The following CEP57L1 variants were observed in gnomAD, a reference collection of about 807,000 sequenced individuals.
CEP57L1 encodes the protein centrosomal protein 57 like 1.
In CEP57L1, 37 loss-of-function variants were observed where a neutral mutation model predicts 61.0. That is an observed-to-expected ratio of 0.61 (90% CI 0.47 to 0.80). The LOEUF (loss-of-function observed/expected upper bound fraction) is 0.80, where lower values mean the gene tolerates loss of function less well. CEP57L1 is among the 30% of genes least tolerant of loss of function. CEP57L1 has a pLI of 0.00. For missense variants in CEP57L1, 422 were observed against 524.7 expected, an observed-to-expected ratio of 0.80 and a Z score of 1.91; for synonymous variants, 137 against 162.3, an observed-to-expected ratio of 0.84 and a Z score of 1.19.
rs530346856 is a variant in CEP57L1 at position 109,145,310 on chromosome 6, C to T, written c.89C>T (p.Pro30Leu). Residue 30 changes from proline to leucine, a missense_variant, in exon 2 of 11, where the codon CCA becomes CTA. Physicochemically the swap from Pro to Leu is moderately conservative, Grantham distance 98. Coordinates refer to ENST00000517392, the MANE Select transcript of CEP57L1 (RefSeq NM_001271852.3). ...GTTCCCTCATTCACCCAGAATGAAC[C>T]ATCTCAGAATTGCCATCCTGCAAAC... Reference protein sequence around the residue: ...VFVPSFTQNEPSQNCHPANLE... With the variant: ...VFVPSFTQNELSQNCHPANLE... 2 of 1,609,924 alleles carry T rather than the reference C, an allele frequency of 1.2e-6. No individual in the cohort carries two copies. The highest frequency in any genetic ancestry group is 1.7e-6 in the Non-Finnish European group (2 of 1,176,942).
At chr6:109,106,679 A>G (rs1053357492) in intron 1 of CEP57L1, among the ~76,000 whole-genome samples, 4 of 152,192 alleles carry the variant, frequency 2.6e-5, no homozygotes, top group Admixed American at 1.3e-4. Context: ...CTGTAATCCC[A>G]GCACTTTGGG....
rs796180464 is a variant in CEP57L1, at chr6:109,110,435, G to A, written c.-4+14860G>A. ...TAAGTTCTTTGTAGATGGATAGTCA[G>A]ATGGATAGACTGCAAAAATTTTCTC... On this transcript the variant is annotated intron_variant, in intron 1 of 10. Transcript: ENST00000517392. Among the ~76,000 whole-genome samples, 11 of 151,710 alleles carry A rather than the reference G, an allele frequency of 7.3e-5. No homozygotes were observed. The South Asian group carries it at 2.1e-3, about 29-fold the overall frequency.
intron 3 of CEP57L1, among the ~76,000 whole-genome samples, chr6:109,149,494 C>T (rs1002316170): frequency 1.3e-5 from 2 of 152,132 alleles, no homozygotes; most frequent in Admixed American, 6.5e-5. Flanking sequence ...GTTTTGGTAC[C>T]AGTACCATGC....
chr6:109,095,517 G>A lies in CEP57L1; in HGVS notation c.-62G>A. 1.0e-6 allele frequency: 1 copy of A among 985,914 alleles called. No individual in the cohort carries two copies. Among genetic ancestry groups the A allele is most frequent in the African/African-American group, 1.7e-5 (1 of 57,366 alleles). The allele number at this position is 985,914 out of a possible 1,614,324, so 61.1% of individuals were successfully genotyped here. A position where few individuals can be genotyped will look rare whatever the true frequency, so the allele number is the denominator to read the frequency against. ...CCCAGGGGCCACCGCGACGTTGCCT[G>A]TGGGTGCCCGCGAACCAACGGTTAG... On this transcript the variant is annotated 5_prime_UTR_variant, in exon 1 of 11. In the 5' UTR this introduces an upstream ATG that the reference lacks. Transcript: ENST00000517392.
chr6:109,134,733 A>C (rs1774624009), intron 1 of CEP57L1, among the ~76,000 whole-genome samples: 1 of 152,212 alleles, frequency 6.6e-6, no homozygotes, highest in African/African-American at 2.4e-5. Flanking sequence ...TACAAAATCA[A>C]TGTGCAAAAA....
intron 1 of CEP57L1, among the ~76,000 whole-genome samples, chr6:109,134,240 A>G (rs958458839): frequency 1.3e-5 from 2 of 152,158 alleles, no homozygotes; most frequent in Non-Finnish European, 2.9e-5. Context: ...CATCCCTGGG[A>G]TGCAAGGCTG....
chr6:109,123,291 A>G (rs939764761), intron 1 of CEP57L1, among the ~76,000 whole-genome samples: 23 of 152,240 alleles, frequency 1.5e-4, no homozygotes, highest in African/African-American at 5.5e-4. Context: ...TTGAATGTCA[A>G]ACTCATCTAT....
At chr6:109,099,493 G>T (rs578114934) in intron 1 of CEP57L1, among the ~76,000 whole-genome samples, 1 of 152,176 alleles carries the variant, frequency 6.6e-6, no homozygotes, top group East Asian at 1.9e-4. Context: ...GAAACTTTTG[G>T]TGGAGTAAAG....
chr6:109,111,167 G>A (rs1196452855), intron 1 of CEP57L1, among the ~76,000 whole-genome samples: 1 of 152,142 alleles, frequency 6.6e-6, no homozygotes, highest in Non-Finnish European at 1.5e-5. Flanking sequence ...AGCATGGAAT[G>A]TTTTTCCATT....
chr6:109,126,651 A>T (rs1431476470), intron 1 of CEP57L1, among the ~76,000 whole-genome samples: 3 of 152,206 alleles, frequency 2.0e-5, no homozygotes, highest in African/African-American at 7.2e-5. Context: ...CTTAGACATT[A>T]TATGTTCTAA....
Position 109,155,779 on chromosome 6 carries a change from T to A in CEP57L1, c.658-12T>A, listed in dbSNP as rs564119786. The A allele has an allele frequency of 3.1e-5, 43 of 1,385,388 alleles. No homozygotes were observed. Among genetic ancestry groups the A allele is most frequent in the African/African-American group, 2.4e-4 (17 of 69,850 alleles). The allele number at this position is 1,385,388 out of a possible 1,614,324, so 85.8% of individuals were successfully genotyped here. ...CAAATCAATGTTATAACCTTTTTTT[T>A]AAATATTACAGCTTCAAACTGGACT... is the stretch of plus-strand genomic sequence containing the variant. On this transcript the variant is annotated splice_polypyrimidine_tract_variant and intron_variant, in intron 6 of 10. Transcript: ENST00000517392.
At chr6:109,120,698 A>G (rs1772849398) in intron 1 of CEP57L1, among the ~76,000 whole-genome samples, 1 of 152,090 alleles carries the variant, frequency 6.6e-6, no homozygotes, top group Admixed American at 6.6e-5. Context: ...TATCATCCCA[A>G]GAATTACTAA....
chr6:109,123,942 G>A (rs1487659448), intron 1 of CEP57L1, among the ~76,000 whole-genome samples: 1 of 152,020 alleles, frequency 6.6e-6, no homozygotes, highest in Non-Finnish European at 1.5e-5. Flanking sequence ...ATGGTGGCGT[G>A]CACCTGTAAT....
At chr6:109,126,537 C>T (rs1325105373) in intron 1 of CEP57L1, among the ~76,000 whole-genome samples, 1 of 151,888 alleles carries the variant, frequency 6.6e-6, no homozygotes, top group Non-Finnish European at 1.5e-5. Flanking sequence ...TATATTGTTC[C>T]TCATTTACTT....
rs1253798823 is a variant in CEP57L1, at chr6:109,172,425, T to C, written c.*9455T>C. ...AATCACATTGTTAGCTTAGACTACC[T>C]GGTATGGCCTAAGGCCCCCAAGTAA... On this transcript the variant is annotated 3_prime_UTR_variant, in exon 11 of 11. Transcript: ENST00000517392. Among the ~76,000 whole-genome samples, 1 of 152,206 alleles carries C rather than the reference T, an allele frequency of 6.6e-6. No individual in the cohort carries two copies. The highest frequency in any genetic ancestry group is 2.4e-5 in the African/African-American group (1 of 41,460).
chr6:109,109,746 G>A (rs986151412), intron 1 of CEP57L1, among the ~76,000 whole-genome samples: 11 of 152,144 alleles, frequency 7.2e-5, no homozygotes, highest in African/African-American at 2.2e-4. Flanking sequence ...GTGTCCAAGC[G>A]TTCTCATCGT....
At position 109,159,326 on chromosome 6, in the gene CEP57L1, AGAT is replaced by A. The variant is rs1773515921; in HGVS notation, c.882_884del (p.Arg294_Cys295delinsSer). Reference sequence around the variant, plus strand: ...GAAACCTTTTAACGTGACTGAGACTAGATGTCTCCCCAAGCCTTCTAGAACAAC... The same window carrying A: ...GAAACCTTTTAACGTGACTGAGACTAGTCTCCCCAAGCCTTCTAGAACAAC... On this transcript the variant is annotated inframe_deletion, in exon 9 of 11. Transcript: ENST00000517392. The A allele has an allele frequency of 6.8e-6, 11 of 1,614,006 alleles. No individual in the cohort carries two copies. Among genetic ancestry groups the A allele is most frequent in the Non-Finnish European group, 9.3e-6 (11 of 1,179,998 alleles).
At chr6:109,112,508 T>C (rs901231790) in intron 1 of CEP57L1, among the ~76,000 whole-genome samples, 14 of 152,298 alleles carry the variant, frequency 9.2e-5, no homozygotes, top group Admixed American at 5.9e-4. Context: ...TGTCTCTATC[T>C]CCTTCAGTTC....
chr6:109,171,269 G>A lies in CEP57L1; in HGVS notation c.*8299G>A, dbSNP rs984786014. On this transcript the variant is annotated 3_prime_UTR_variant, in exon 11 of 11. Coordinates refer to ENST00000517392, the MANE Select transcript of CEP57L1 (RefSeq NM_001271852.3). ...TTTTTTTTTTTTGAGACGGAGTTTC[G>A]CTCTTGTTGCCCAAGCTGGAGTGCA... Among the ~76,000 whole-genome samples, 23 of 149,350 alleles carry A rather than the reference G, an allele frequency of 1.5e-4. No individual in the cohort carries two copies. Among genetic ancestry groups the A allele is most frequent in the Non-Finnish European group, 2.1e-4 (14 of 67,654 alleles).
Sources: allele counts gnomAD v4.1 joint callset (sites outside exome capture counted in the v4.1 genomes callset), GRCh38; gene constraint gnomAD v4.1.1; transcripts MANE v1.5; gene names NCBI Gene and HGNC (gene_info 2026-07-23, HGNC 2026-07-21).